WDR70: variants seen among roughly 807,000 people sequenced by gnomAD.
WDR70 encodes the protein WD repeat domain 70.
Under a neutral mutation model 88.6 loss-of-function variants are expected in WDR70, and 53 were observed. The ratio of observed to expected loss-of-function variants is 0.60; its 90% CI spans 0.48 to 0.75. The LOEUF (loss-of-function observed/expected upper bound fraction) is 0.75. WDR70 is among the 30% of genes least tolerant of loss of function. The pLI, the probability that WDR70 is intolerant of heterozygous loss-of-function variation, is 0.00. For missense variants in WDR70, 610 were observed against 823.2 expected (o/e 0.74, Z 3.17); for synonymous variants, 280 against 270.0 (o/e 1.04, Z -0.36).
At chr5:37,732,222 T>G (rs1748167811) in intron 17 of WDR70, among the ~76,000 whole-genome samples, 3 of 152,116 alleles carry the variant, frequency 2.0e-5, no homozygotes. Context: ...GAGAGAGATA[T>G]GTGTAGATAC....
At chr5:37,387,019 A>G (rs947969369) in intron 3 of WDR70, among the ~76,000 whole-genome samples, 10 of 152,076 alleles carry the variant, frequency 6.6e-5, no homozygotes, top group Non-Finnish European at 1.5e-4. Flanking sequence ...GAATCGCTTG[A>G]ACCTGGGAGG....
At chr5:37,425,730 T>G (rs1214561354) in intron 5 of WDR70, among the ~76,000 whole-genome samples, 1 of 152,168 alleles carries the variant, frequency 6.6e-6, no homozygotes, top group Non-Finnish European at 1.5e-5. Flanking sequence ...GATTTTTGAG[T>G]AATGGCATAA....
At chr5:37,534,699 G>A (rs1319848115) in intron 9 of WDR70, among the ~76,000 whole-genome samples, 11 of 151,844 alleles carry the variant, frequency 7.2e-5, no homozygotes, top group African/African-American at 2.7e-4. Context: ...GGCTGGTCTC[G>A]AACTCCTGAC....
intron 9 of WDR70, among the ~76,000 whole-genome samples, chr5:37,566,410 T>C (rs1742742777): frequency 6.6e-6 from 1 of 152,146 alleles, no homozygotes; most frequent in South Asian, 2.1e-4. Context: ...TGTTTTTGTT[T>C]TGAAAATTTG....
chr5:37,684,391 A>T (rs542462836), intron 10 of WDR70, among the ~76,000 whole-genome samples: 1 of 152,298 alleles, frequency 6.6e-6, no homozygotes, highest in African/African-American at 2.4e-5. Context: ...GAGTTGTCAG[A>T]GTTCTTGCAC....
At chr5:37,741,350 A>G (rs1169088181) in intron 17 of WDR70, among the ~76,000 whole-genome samples, 1 of 151,834 alleles carries the variant, frequency 6.6e-6, no homozygotes, top group African/African-American at 2.4e-5. Context: ...TGTTAAGTAC[A>G]TTCACATTGT....
At chr5:37,674,793 C>T (rs1349346435) in intron 10 of WDR70, among the ~76,000 whole-genome samples, 6 of 151,610 alleles carry the variant, frequency 4.0e-5, no homozygotes, top group Non-Finnish European at 7.4e-5. Context: ...TTCTAGATCC[C>T]TGAGGAATCG....
chr5:37,418,634 C>T (rs575295043), intron 5 of WDR70, among the ~76,000 whole-genome samples: 1 of 152,250 alleles, frequency 6.6e-6, no homozygotes, highest in East Asian at 1.9e-4. Context: ...TTCTTATAGC[C>T]ATATACCTTC....
chr5:37,455,519 GGCGTGAGCCATT>G (rs1375561642), intron 7 of WDR70, among the ~76,000 whole-genome samples: 2 of 151,908 alleles, frequency 1.3e-5, no homozygotes, highest in Admixed American at 6.6e-5. Flanking sequence ...TGAGATTACA[GGCGTGAGCCATT>G]GCGCCTTATC....
intron 9 of WDR70, among the ~76,000 whole-genome samples, chr5:37,600,018 C>T (rs933104091): frequency 1.3e-5 from 2 of 151,762 alleles, no homozygotes; most frequent in African/African-American, 4.8e-5. Context: ...ATATTTTTAA[C>T]CTTGGATTAG....
chr5:37,448,316 T>A (rs896910592), intron 7 of WDR70, among the ~76,000 whole-genome samples: 1 of 152,170 alleles, frequency 6.6e-6, no homozygotes, highest in African/African-American at 2.4e-5. Context: ...CCTGTTACAT[T>A]CCTTTCCAAG....
chr5:37,585,127 A>G lies in WDR70; in HGVS notation c.918-19937A>G, dbSNP rs182711317. Among the ~76,000 whole-genome samples, 11 of 151,450 alleles carry G rather than the reference A, an allele frequency of 7.3e-5. No individual in the cohort carries two copies. The East Asian group carries it at 2.1e-3, about 29-fold the overall frequency. ...TGCCTCAACCTCCTAAATAGCTGGGATTACAGGTGCACACCACCACGCCTG... is the reference window on the plus strand; with the variant it reads ...TGCCTCAACCTCCTAAATAGCTGGGGTTACAGGTGCACACCACCACGCCTG... On this transcript the variant is annotated intron_variant, in intron 9 of 17. Coordinates refer to ENST00000265107, the MANE Select transcript of WDR70 (RefSeq NM_018034.4).
chr5:37,650,067 A>G lies in WDR70; in HGVS notation c.1092+44829A>G, dbSNP rs569058227. Among the ~76,000 whole-genome samples, 23 of 148,064 alleles carry G rather than the reference A, an allele frequency of 1.6e-4. No individual in the cohort carries two copies. The South Asian group carries it at 4.8e-3, about 31-fold the overall frequency. ...CTTCTTATTATCATCATTTATTGGC[A>G]GATCAGGGGTTGTAGAACACTGTTA... On this transcript the variant is annotated intron_variant, in intron 10 of 17. Transcript: ENST00000265107.
At chr5:37,384,966 C>T (rs1456686867) in intron 3 of WDR70, among the ~76,000 whole-genome samples, 1 of 152,198 alleles carries the variant, frequency 6.6e-6, no homozygotes, top group Non-Finnish European at 1.5e-5. Flanking sequence ...AATCTACTGG[C>T]TATAAATCAG....
chr5:37,495,733 G>C (rs1250776699), intron 8 of WDR70, among the ~76,000 whole-genome samples: 1 of 152,084 alleles, frequency 6.6e-6, no homozygotes, highest in African/African-American at 2.4e-5. Flanking sequence ...TTCTTTAATA[G>C]GTGTCTCTTT....
intron 5 of WDR70, 52 bp from the exon 6 acceptor site, chr5:37,437,870 C>A: frequency 3.3e-6 from 5 of 1,527,652 alleles, no homozygotes; most frequent in Admixed American, 1.9e-5. Flanking sequence ...TTGTGTAGTT[C>A]CCCACAAATA....
chr5:37,428,934 T>C (rs905605354), intron 5 of WDR70, among the ~76,000 whole-genome samples: 3 of 152,232 alleles, frequency 2.0e-5, no homozygotes, highest in African/African-American at 4.8e-5. Flanking sequence ...ATTTTAATGT[T>C]AGCTATTCCA....
intron 17 of WDR70, among the ~76,000 whole-genome samples, chr5:37,730,090 A>AT (rs1748100821): frequency 6.6e-6 from 1 of 152,066 alleles, no homozygotes; most frequent in Non-Finnish European, 1.5e-5. Flanking sequence ...GTGAAGTGTA[A>AT]TTACAACATA....
chr5:37,603,217 G>A (rs1743939036), intron 9 of WDR70, among the ~76,000 whole-genome samples: 1 of 151,190 alleles, frequency 6.6e-6, no homozygotes, highest in South Asian at 2.1e-4. Context: ...AAGGCAAAAA[G>A]CTGGAGACAT....
Sources: gnomAD v4.1 joint callset for allele counts (sites outside exome capture counted in the v4.1 genomes callset) on GRCh38, gnomAD v4.1.1 for gene constraint, MANE v1.5 for transcripts, NCBI Gene and HGNC (gene_info 2026-07-23, HGNC 2026-07-21) for gene names.